Variants in H2AZ2 observed in about 807,000 individuals in gnomAD.
H2AZ2 encodes the protein H2A.Z variant histone 2.
A neutral mutation model predicts 15.5 loss-of-function variants in H2AZ2; 5 were observed. The ratio of observed to expected loss-of-function variants is 0.32; its 90% CI spans 0.17 to 0.68. The LOEUF (loss-of-function observed/expected upper bound fraction) is 0.68, where lower values mean the gene tolerates loss of function less well. Among genes scored for constraint, H2AZ2 ranks in the 30% least tolerant of loss-of-function variants. H2AZ2 has a pLI of 0.72. For missense variants in H2AZ2, 42 were observed against 162.5 expected, an observed-to-expected ratio of 0.26 and a Z score of 4.03; for synonymous variants, 44 against 57.4, an observed-to-expected ratio of 0.77 and a Z score of 1.05.
intron 1 of H2AZ2, among the ~76,000 whole-genome samples, chr7:44,847,106 C>G (rs1000001425): frequency 6.6e-6 from 1 of 152,288 alleles, no homozygotes; most frequent in South Asian, 2.1e-4. Flanking sequence ...GTTGAAGTAA[C>G]CTTTCAACAG....
chr7:44,833,745 T>G lies in H2AZ2; in HGVS notation c.*756A>C. 1.1e-6 allele frequency: 1 copy of G among 951,060 alleles called. No individual in the cohort carries two copies. Among genetic ancestry groups the G allele is most frequent in the Middle Eastern group, 5.4e-4 (1 of 1,858 alleles). 58.9% of individuals were successfully genotyped at this position (951,060 alleles called of 1,614,324 possible). A position where few individuals can be genotyped will look rare whatever the true frequency, so the allele number is the denominator to read the frequency against. On this transcript the variant is annotated 3_prime_UTR_variant, in exon 5 of 5. Coordinates refer to ENST00000308153, the MANE Select transcript of H2AZ2 (RefSeq NM_012412.5). ...GCTCTGGAGTCAGCCAGATCTAGGT[T>G]TGAATCCTAGCTCTGTCATTTTCTA...
intron 1 of H2AZ2, among the ~76,000 whole-genome samples, chr7:44,847,106 C>A (rs1000001425): frequency 6.6e-6 from 1 of 152,170 alleles, no homozygotes; most frequent in South Asian, 2.1e-4. Context: ...GTTGAAGTAA[C>A]CTTTCAACAG....
downstream of H2AZ2, among the ~76,000 whole-genome samples, chr7:44,830,584 A>G (rs1218583890): frequency 1.3e-5 from 2 of 152,036 alleles, no homozygotes; most frequent in African/African-American, 4.8e-5. Flanking sequence ...AAAAAGAAAA[A>G]TCCTTCTTCT....
intron 1 of H2AZ2, among the ~76,000 whole-genome samples, chr7:44,847,036 A>AATACT (rs890759722): frequency 2.8e-4 from 43 of 152,196 alleles, no homozygotes; most frequent in African/African-American, 9.7e-4. Flanking sequence ...CAAATCATCT[A>AATACT]ATACTATCTG....
chr7:44,830,860 A>C (rs115770899), downstream of H2AZ2, among the ~76,000 whole-genome samples: 3,622 of 152,284 alleles, frequency 0.024, 152 homozygotes, highest in African/African-American at 0.082. Context: ...ACAAACAAAA[A>C]ACACACACAG....
Position 44,832,568 on chromosome 7 carries a change from T to C in H2AZ2, c.*1933A>G, listed in dbSNP as rs145099543. ...TTGGATAGCATTATACTATAAAATA[T>C]TTTAAAATTTCCTTCTTTAATGAAG... On this transcript the variant is annotated 3_prime_UTR_variant, in exon 5 of 5. Coordinates refer to ENST00000308153, the MANE Select transcript of H2AZ2 (RefSeq NM_012412.5). Among the ~76,000 whole-genome samples, 270 of 152,324 alleles carry C rather than the reference T, an allele frequency of 1.8e-3. 3 individuals carry two copies. Among genetic ancestry groups the C allele is most frequent in the African/African-American group, 6.3e-3 (261 of 41,562 alleles).
rs1583709063 is a variant in H2AZ2 at position 44,832,114 on chromosome 7, C to G, written c.*2387G>C. Among the ~76,000 whole-genome samples the G allele has an allele frequency of 6.6e-6, 1 of 151,988 alleles. No homozygotes were observed. The highest frequency in any genetic ancestry group is 1.9e-4 in the East Asian group (1 of 5,188). ...ACTTAGTTTCTTCAAAAATTAAAAA[C>G]AGGAAAGTTAAATCTATAGATTATA... On this transcript the variant is annotated 3_prime_UTR_variant, in exon 5 of 5. Coordinates refer to ENST00000308153, the MANE Select transcript of H2AZ2 (RefSeq NM_012412.5).
intron 1 of H2AZ2, among the ~76,000 whole-genome samples, chr7:44,846,477 C>T (rs1174523122): frequency 6.6e-6 from 1 of 151,744 alleles, no homozygotes; most frequent in Admixed American, 6.6e-5. Context: ...ATTAGCAGGG[C>T]GTGGTGGCGC....
intron 3 of H2AZ2, among the ~76,000 whole-genome samples, chr7:44,836,412 G>A (rs1374259487): frequency 6.6e-6 from 1 of 152,054 alleles, no homozygotes; most frequent in Non-Finnish European, 1.5e-5. Context: ...TGTTGCCAGG[G>A]CTGGTGTCAA....
intron 1 of H2AZ2, among the ~76,000 whole-genome samples, chr7:44,846,727 G>A: frequency 6.7e-6 from 1 of 148,318 alleles, no homozygotes; most frequent in South Asian, 2.1e-4. Flanking sequence ...TTACAGATTA[G>A]ATGTAAGCTG....
intron 3 of H2AZ2, among the ~76,000 whole-genome samples, chr7:44,836,001 C>A (rs1480326517): frequency 7.0e-6 from 1 of 142,478 alleles, no homozygotes; most frequent in Non-Finnish European, 1.5e-5. Flanking sequence ...ACTCCATTGC[C>A]TAGGCTGGAG....
downstream of H2AZ2, among the ~76,000 whole-genome samples, chr7:44,830,890 G>A (rs1292391000): frequency 1.3e-5 from 2 of 152,080 alleles, no homozygotes; most frequent in East Asian, 1.9e-4. Flanking sequence ...GCATGGTGGC[G>A]CATGCCTGTA....
At chr7:44,845,227 G>T (rs1793368168) in intron 1 of H2AZ2, among the ~76,000 whole-genome samples, 1 of 151,996 alleles carries the variant, frequency 6.6e-6, no homozygotes, top group African/African-American at 2.4e-5. Context: ...ACCCTGGCAG[G>T]TATCAGAAAC....
intron 1 of H2AZ2, 91 bp from the exon 2 acceptor site, chr7:44,843,445 T>TAGTTC: frequency 2.4e-6 from 2 of 826,310 alleles, no homozygotes; most frequent in Non-Finnish European, 4.0e-6. Context: ...TAGTTTTACT[T>TAGTTC]TAGGTAGTTA....
At chr7:44,846,062 C>CACAGAGAGAGAGAG (rs57468916) in intron 1 of H2AZ2, among the ~76,000 whole-genome samples, 1 of 75,058 alleles carries the variant, frequency 1.3e-5, no homozygotes, top group South Asian at 3.7e-4. Context: ...CACACACACA[C>CACAGAGAGAGAGAG]AGAGAGAGAC....
At chr7:44,834,688 A>G (rs571761128) in intron 4 of H2AZ2, 126 bp from the exon 5 acceptor site, 2 of 814,752 alleles carry the variant, frequency 2.5e-6, no homozygotes, top group African/African-American at 3.4e-5. Context: ...TAAACTATCT[A>G]TACCAATGGC....
rs1793013915 is a variant in H2AZ2 at position 44,832,388 on chromosome 7, A to G, written c.*2113T>C. On this transcript the variant is annotated 3_prime_UTR_variant, in exon 5 of 5. Transcript: ENST00000308153. The stretch of plus-strand genomic sequence containing the variant: ...ATGCCTGTTAATGGGACTCAAACTG[A>G]TCCCTGTGGGTTGGGGCAGGGGATA... Among the ~76,000 whole-genome samples the G allele has an allele frequency of 4.6e-5, 7 of 152,112 alleles. No individual in the cohort carries two copies. In the South Asian group the frequency reaches 1.5e-3, roughly 32 times the overall value.
rs12673630 is a variant in H2AZ2, at chr7:44,834,201, T to C, written c.*300A>G. ...GTCTGAGTAAAATATTTCTAATACA[T>C]CATGAACAGAACAGTTTTGAGACAA... On this transcript the variant is annotated 3_prime_UTR_variant, in exon 5 of 5. Coordinates refer to ENST00000308153, the MANE Select transcript of H2AZ2 (RefSeq NM_012412.5). The C allele has an allele frequency of 0.057, 63,636 of 1,122,134 alleles. 3,920 individuals are homozygous for C. The highest frequency in any genetic ancestry group is 0.34 in the East Asian group (7,569 of 22,066). 69.5% of individuals were successfully genotyped at this position (1,122,134 alleles called of 1,614,324 possible). A position where few individuals can be genotyped will look rare whatever the true frequency, so the allele number is the denominator to read the frequency against.
chr7:44,831,537 C>CG (rs1332521540), downstream of H2AZ2, among the ~76,000 whole-genome samples: 2 of 151,850 alleles, frequency 1.3e-5, no homozygotes, highest in Non-Finnish European at 2.9e-5. Context: ...CACTCCCCCC[C>CG]CCGCTTCTTT....
Sources: gnomAD v4.1 joint callset for allele counts (sites outside exome capture counted in the v4.1 genomes callset) on GRCh38, gnomAD v4.1.1 for gene constraint, MANE v1.5 for transcripts, NCBI Gene and HGNC (gene_info 2026-07-23, HGNC 2026-07-21) for gene names.